The following NTRK2 variants were observed in gnomAD, a reference collection of about 807,000 sequenced individuals.
NTRK2 encodes the protein BDNF/NT-3 growth factors receptor.
A neutral mutation model predicts 94.5 loss-of-function variants in NTRK2; 13 were observed. The ratio of observed to expected loss-of-function variants is 0.14; its 90% CI spans 0.09 to 0.22. The LOEUF is 0.22. Among genes scored for constraint, NTRK2 ranks in the 10% least tolerant of loss-of-function variants. The pLI is 1.00. For synonymous variants in NTRK2, 372 were observed against 407.4 expected, an observed-to-expected ratio of 0.91 and a Z score of 1.05; for missense variants, 639 against 1,071.2, an observed-to-expected ratio of 0.60 and a Z score of 5.63.
intron 16 of NTRK2, among the ~76,000 whole-genome samples, chr9:84,954,071 TACTC>T (rs1209452868): frequency 6.6e-6 from 1 of 151,872 alleles, no homozygotes; most frequent in Non-Finnish European, 1.5e-5. Flanking sequence ...CAGTTTCAAA[TACTC>T]ACACGGCTCT....
chr9:84,958,798 C>T (rs1365860357), intron 17 of NTRK2, among the ~76,000 whole-genome samples: 1 of 152,134 alleles, frequency 6.6e-6, no homozygotes, highest in African/African-American at 2.4e-5. Flanking sequence ...TTCACCTTTT[C>T]GTTTCATGAA....
chr9:84,684,454 C>A (rs553196304), intron 2 of NTRK2, among the ~76,000 whole-genome samples: 4 of 152,258 alleles, frequency 2.6e-5, no homozygotes, highest in Non-Finnish European at 5.9e-5. Flanking sequence ...ACAGGGAATC[C>A]TTTCCCCATT....
intron 9 of NTRK2, among the ~76,000 whole-genome samples, chr9:84,731,934 C>A (rs1384469484): frequency 6.6e-6 from 1 of 152,178 alleles, no homozygotes; most frequent in Non-Finnish European, 1.5e-5. Context: ...ACCCCAGACA[C>A]CAAGCCAGCG....
At chr9:84,969,280 C>A (rs972051432) in intron 17 of NTRK2, among the ~76,000 whole-genome samples, 1 of 152,228 alleles carries the variant, frequency 6.6e-6, no homozygotes, top group Admixed American at 6.5e-5. Context: ...CCAGAACGAT[C>A]ACTCGCTTAC....
chr9:85,026,435 C>T lies in NTRK2; in HGVS notation c.*4998C>T, dbSNP rs1016987003. 8.6e-6 allele frequency: 2 copies of T among 231,810 alleles called. No homozygotes were observed. The highest frequency in any genetic ancestry group is 1.7e-5 in the Non-Finnish European group (2 of 117,330). 14.4% of individuals were successfully genotyped at this position (231,810 alleles called of 1,614,324 possible). A position where few individuals can be genotyped will look rare whatever the true frequency, so the allele number is the denominator to read the frequency against. ...ATGTGTTTGAACAGGAAAAATATTA[C>T]AGAAAATGAAATGTAAAGGCCTATA... On this transcript the variant is annotated 3_prime_UTR_variant, in exon 19 of 19. Coordinates refer to ENST00000277120, the MANE Select transcript of NTRK2 (RefSeq NM_006180.6).
chr9:84,673,129 A>G (rs1050326949), intron 2 of NTRK2, among the ~76,000 whole-genome samples: 15 of 152,108 alleles, frequency 9.9e-5, no homozygotes, highest in Non-Finnish European at 1.3e-4. Flanking sequence ...GCTCTATCTC[A>G]GCTTTGTGTG....
chr9:84,876,772 T>C (rs984520175), intron 14 of NTRK2: 1 of 1,061,116 alleles, frequency 9.4e-7, no homozygotes, highest in African/African-American at 1.6e-5. Flanking sequence ...TATCAATACA[T>C]GTAGCTGCTT....
intron 17 of NTRK2, among the ~76,000 whole-genome samples, chr9:84,986,603 G>T (rs1828338919): frequency 6.8e-6 from 1 of 147,892 alleles, no homozygotes; most frequent in Admixed American, 6.8e-5. Context: ...TAGAGGGATT[G>T]CTCCAGTCAC....
intron 12 of NTRK2, among the ~76,000 whole-genome samples, chr9:84,817,012 C>A (rs1817589940): frequency 6.6e-6 from 1 of 152,136 alleles, no homozygotes; most frequent in South Asian, 2.1e-4. Flanking sequence ...CTGCTCCGTG[C>A]TTCAATTTCT....
In NTRK2 at chr9:84,828,609, GT is replaced by G. The variant is rs1375937819; in HGVS notation, c.1397-32430del. On this transcript the variant is annotated intron_variant, in intron 12 of 18. Transcript: ENST00000277120. Reference sequence around the variant, plus strand: ...CAACAAAGGTGAAATTGTATGCCAAGTGTGTCTAACTAAATATGATTTTTGT... The same window carrying G: ...CAACAAAGGTGAAATTGTATGCCAAGGTGTCTAACTAAATATGATTTTTGT... Among the ~76,000 whole-genome samples the G allele has an allele frequency of 2.0e-5, 3 of 152,110 alleles. No homozygotes were observed. The East Asian group carries it at 5.8e-4, about 29-fold the overall frequency.
At chr9:84,915,726 C>T (rs1253797113) in intron 14 of NTRK2, among the ~76,000 whole-genome samples, 2 of 152,142 alleles carry the variant, frequency 1.3e-5, no homozygotes, top group Non-Finnish European at 2.9e-5. Flanking sequence ...GGGAAAAGTA[C>T]ATCTACTCCA....
rs2117950450 is a variant in NTRK2 at position 85,020,382 on chromosome 9, C to G, written c.2331+18C>G. The G allele has an allele frequency of 2.5e-6, 4 of 1,613,688 alleles. No homozygotes were observed. The highest frequency in any genetic ancestry group is 2.2e-5 in the South Asian group (2 of 91,058). On this transcript the variant is annotated intron_variant, in intron 18 of 18. Transcript: ENST00000277120. ...ACAATGAGGTGTGCAATGGGTCTGG[C>G]CAAGACCCTCCAGAGGGCTGAGATC...
intron 16 of NTRK2, among the ~76,000 whole-genome samples, chr9:84,952,303 G>A (rs1823561024): frequency 6.6e-6 from 1 of 152,198 alleles, no homozygotes; most frequent in Non-Finnish European, 1.5e-5. Flanking sequence ...CAGAAGGAAA[G>A]TGGTGTGCTA....
intron 12 of NTRK2, among the ~76,000 whole-genome samples, chr9:84,820,755 T>G (rs1267415572): frequency 6.6e-6 from 1 of 152,158 alleles, no homozygotes; most frequent in Non-Finnish European, 1.5e-5. Context: ...GTGAGCTAGG[T>G]GCTGGGAGGT....
chr9:85,022,139 T>C lies in NTRK2; in HGVS notation c.*702T>C, dbSNP rs1832815182. On this transcript the variant is annotated 3_prime_UTR_variant, in exon 19 of 19. Transcript: ENST00000277120. ...ATATGGGAGGAACAAAGACAACCAC[T>C]GGGATCAGCTGGTGTCAGTCCCTAC... 4.3e-6 allele frequency: 1 copy of C among 233,284 alleles called. No individual in the cohort carries two copies. The highest frequency in any genetic ancestry group is 2.2e-5 in the African/African-American group (1 of 45,362). The allele number at this position is 233,284 out of a possible 1,614,324, so 14.5% of individuals were successfully genotyped here. A position where few individuals can be genotyped will look rare whatever the true frequency, so the allele number is the denominator to read the frequency against.
rs188249697 is a variant in NTRK2, at chr9:84,734,238, G to C, written c.1159+6279G>C. Among the ~76,000 whole-genome samples, 5 of 152,348 alleles carry C rather than the reference G, an allele frequency of 3.3e-5. No homozygotes were observed. The East Asian group carries it at 9.6e-4, about 29-fold the overall frequency. On this transcript the variant is annotated intron_variant, in intron 9 of 18. Coordinates refer to ENST00000277120, the MANE Select transcript of NTRK2 (RefSeq NM_006180.6). ...TGAGCATATCTGAAGTGCCGATGCA[G>C]TGCCTGACACATGATAGGCAGGTGC...
chr9:84,754,103 G>T lies in NTRK2; in HGVS notation c.1396+2018G>T, dbSNP rs142382108. Among the ~76,000 whole-genome samples, 527 of 152,260 alleles carry T rather than the reference G, an allele frequency of 3.5e-3. 1 individual carries two copies. The highest frequency in any genetic ancestry group is 7.1e-3 in the South Asian group (34 of 4,816). On this transcript the variant is annotated intron_variant, in intron 12 of 18. Coordinates refer to ENST00000277120, the MANE Select transcript of NTRK2 (RefSeq NM_006180.6). Reference sequence around the variant, plus strand: ...CAGTATTTCATTTAGATAATTTGGGGTGATTACCACTAAAGCGTCTACGTT... The same window carrying T: ...CAGTATTTCATTTAGATAATTTGGGTTGATTACCACTAAAGCGTCTACGTT...
chr9:84,797,211 C>T (rs2069436480), intron 12 of NTRK2, among the ~76,000 whole-genome samples: 1 of 151,962 alleles, frequency 6.6e-6, no homozygotes, highest in African/African-American at 2.4e-5. Flanking sequence ...AGCCCCTGGG[C>T]CAGATCTCAC....
intron 17 of NTRK2, among the ~76,000 whole-genome samples, chr9:84,987,908 A>G (rs1217161535): frequency 6.6e-6 from 1 of 152,188 alleles, no homozygotes; most frequent in Non-Finnish European, 1.5e-5. Flanking sequence ...CAATGTTGTA[A>G]ATTTCTTATT....
Sources: allele counts gnomAD v4.1 joint callset (sites outside exome capture counted in the v4.1 genomes callset), GRCh38; gene constraint gnomAD v4.1.1; transcripts MANE v1.5; gene names NCBI Gene and HGNC (gene_info 2026-07-23, HGNC 2026-07-21).